CDK14: variants seen among roughly 807,000 people sequenced by gnomAD.
CDK14 encodes the protein cyclin-dependent kinase 14.
CDK14 carries 34 observed loss-of-function variants against 60.7 expected under a neutral mutation model. The observed-to-expected ratio is 0.56, with a 90% CI of 0.43 to 0.75. The LOEUF (loss-of-function observed/expected upper bound fraction) is 0.75, where lower values mean the gene tolerates loss of function less well. CDK14 is among the 30% of genes least tolerant of loss of function. The pLI is 0.00. For missense variants in CDK14, 482 were observed against 564.1 expected (o/e 0.85, Z 1.47); for synonymous variants, 197 against 203.7 (o/e 0.97, Z 0.28).
intron 1 of CDK14, among the ~76,000 whole-genome samples, chr7:90,598,727 C>T (rs1431882466): frequency 1.6e-3 from 3 of 1,836 alleles, no homozygotes; most frequent in African/African-American, 6.6e-3. Flanking sequence ...TTTTTTGAGA[C>T]GGAGTCTCGC....
intron 2 of CDK14, among the ~76,000 whole-genome samples, chr7:90,616,312 G>A (rs902643745): frequency 1.3e-5 from 2 of 152,088 alleles, no homozygotes; most frequent in Admixed American, 6.6e-5. Flanking sequence ...AAAAATATAG[G>A]TAAAGAAGAG....
At chr7:90,871,530 G>C (rs1460613163) in intron 6 of CDK14, among the ~76,000 whole-genome samples, 2 of 152,132 alleles carry the variant, frequency 1.3e-5, no homozygotes, top group African/African-American at 4.8e-5. Flanking sequence ...GGGAAGGCTG[G>C]CTTTGGCTTA....
chr7:91,118,252 T>TTAGAAAAAGGTTCACTTTGGGC, intron 14 of CDK14, 44 bp downstream of exon 14: 1 of 878,172 alleles, frequency 1.1e-6, no homozygotes, highest in Non-Finnish European at 1.8e-6. Flanking sequence ...TTAATGGATA[T>TTAGAAAAAGGTTCACTTTGGGC]TGAACGGATT....
chr7:90,611,872 A>C, intron 2 of CDK14, among the ~76,000 whole-genome samples: 1 of 132,982 alleles, frequency 7.5e-6, no homozygotes, highest in African/African-American at 2.9e-5. Flanking sequence ...TCACTCTGTC[A>C]CCCAGGCTGG....
At chr7:90,779,344 T>C (rs919003612) in intron 4 of CDK14, among the ~76,000 whole-genome samples, 1 of 152,194 alleles carries the variant, frequency 6.6e-6, no homozygotes, top group Admixed American at 6.5e-5. Context: ...CCTTGAACTC[T>C]TGGGCTCTAG....
chr7:90,604,135 C>G (rs1799371328), intron 1 of CDK14, 83 bp from the exon 2 acceptor site: 1 of 878,214 alleles, frequency 1.1e-6, no homozygotes. Flanking sequence ...ACCATACTGC[C>G]TTGTTTTTTT....
intron 6 of CDK14, among the ~76,000 whole-genome samples, chr7:90,866,722 AATGAC>A (rs1791205880): frequency 6.6e-6 from 1 of 152,262 alleles, no homozygotes; most frequent in South Asian, 2.1e-4. Context: ...TGTTGCCATG[AATGAC>A]ATTTTAGGTT....
chr7:90,631,645 C>T (rs1799999389), intron 2 of CDK14, among the ~76,000 whole-genome samples: 1 of 152,012 alleles, frequency 6.6e-6, no homozygotes, highest in Non-Finnish European at 1.5e-5. Context: ...TTGGAGTGGA[C>T]CACAAAGCTC....
In CDK14 at chr7:90,866,221, C is replaced by CACACAT. The variant is rs1181238683; in HGVS notation, c.639+2964_639+2969dup. Among the ~76,000 whole-genome samples, 8 of 131,350 alleles carry CACACAT rather than the reference C, an allele frequency of 6.1e-5. No homozygotes were observed. The East Asian group carries it at 1.1e-3, about 19-fold the overall frequency. The allele number at this position is 131,350 out of a possible 152,430, so 86.2% of individuals were successfully genotyped here. Reference sequence around the variant, plus strand: ...TGCCACTAGGGTCTTCTGAAATACACACACATACACATACACACACACACA... The same window carrying CACACAT: ...TGCCACTAGGGTCTTCTGAAATACACACACATACACATACACATACACACACACACA... On this transcript the variant is annotated intron_variant, in intron 6 of 14. Transcript: ENST00000380050.
Position 90,739,295 on chromosome 7 carries a change from T to C in CDK14, c.370-8386T>C, listed in dbSNP as rs541373817. Among the ~76,000 whole-genome samples the C allele has an allele frequency of 1.4e-4, 22 of 152,316 alleles. 1 individual carries two copies. The highest frequency in any genetic ancestry group is 1.2e-3 in the South Asian group (6 of 4,826). ...CTGCCATTGTAGTGTTAACAGAATA[T>C]AGAATACAACCGTAGCAGTTAATGC... On this transcript the variant is annotated intron_variant, in intron 3 of 14. Coordinates refer to ENST00000380050, the MANE Select transcript of CDK14 (RefSeq NM_001287135.2).
chr7:90,859,781 A>G (rs1790945041), intron 5 of CDK14, among the ~76,000 whole-genome samples: 2 of 152,116 alleles, frequency 1.3e-5, no homozygotes, highest in Non-Finnish European at 2.9e-5. Flanking sequence ...GGTGTTGTAA[A>G]TCTCTCTTTA....
At chr7:90,642,113 C>G (rs1337629809) in intron 2 of CDK14, among the ~76,000 whole-genome samples, 1 of 152,152 alleles carries the variant, frequency 6.6e-6, no homozygotes, top group African/African-American at 2.4e-5. Flanking sequence ...GGACGCAGAG[C>G]CAAACCATAT....
chr7:91,141,668 C>T (rs927084100), intron 14 of CDK14, among the ~76,000 whole-genome samples: 66 of 152,118 alleles, frequency 4.3e-4, no homozygotes, highest in Non-Finnish European at 4.4e-5. Context: ...TCCATGATGC[C>T]GAGCCAGGGC....
rs560426770 is a variant in CDK14, at chr7:91,126,952, A to G, written c.*28+8744A>G. 1.6e-4 allele frequency among the ~76,000 whole-genome samples: 24 copies of G among 152,218 alleles called. No individual in the cohort carries two copies. The East Asian group carries it at 4.6e-3, about 29-fold the overall frequency. On this transcript the variant is annotated intron_variant, in intron 14 of 14. Transcript: ENST00000380050. Reference sequence around the variant, plus strand: ...TGAGTTCCTCTTAGTGCAGGTCAAAAAGGCTAGTTAGCAGGAGCTGTCGAA... The same window carrying G: ...TGAGTTCCTCTTAGTGCAGGTCAAAGAGGCTAGTTAGCAGGAGCTGTCGAA...
intron 14 of CDK14, among the ~76,000 whole-genome samples, chr7:91,126,598 G>A (rs1050366370): frequency 2.6e-5 from 4 of 152,076 alleles, no homozygotes; most frequent in Admixed American, 6.6e-5. Flanking sequence ...TTTTCTCTAC[G>A]TAAGATGGGA....
At chr7:91,198,163 T>C (rs1171521564) in intron 14 of CDK14, among the ~76,000 whole-genome samples, 1 of 152,178 alleles carries the variant, frequency 6.6e-6, no homozygotes, top group Non-Finnish European at 1.5e-5. Context: ...TCAGGATGTG[T>C]CCTCACAAGA....
chr7:91,132,979 A>G (rs1800163163), intron 14 of CDK14, among the ~76,000 whole-genome samples: 3 of 152,160 alleles, frequency 2.0e-5, no homozygotes. Flanking sequence ...TTCTATTCAC[A>G]TATCTTTTGT....
intron 4 of CDK14, among the ~76,000 whole-genome samples, chr7:90,782,235 T>G (rs1805361972): frequency 6.6e-6 from 1 of 152,178 alleles, no homozygotes; most frequent in Admixed American, 6.5e-5. Flanking sequence ...TATTGGTGTA[T>G]AAGAATGCTT....
intron 13 of CDK14, among the ~76,000 whole-genome samples, chr7:91,115,090 T>C (rs1253934620): frequency 6.6e-6 from 1 of 152,190 alleles, no homozygotes; most frequent in Non-Finnish European, 1.5e-5. Flanking sequence ...CCTTACGTAT[T>C]TCTTTTTTAA....
Sources: allele counts gnomAD v4.1 joint callset (sites outside exome capture counted in the v4.1 genomes callset), GRCh38; gene constraint gnomAD v4.1.1; transcripts MANE v1.5; gene names NCBI Gene and HGNC (gene_info 2026-07-23, HGNC 2026-07-21).